Variants in GREB1 observed in about 807,000 individuals in gnomAD.
GREB1 encodes the protein growth regulating estrogen receptor binding 1.
Under a neutral mutation model 200.7 loss-of-function variants are expected in GREB1, and 106 were observed. The observed-to-expected ratio is 0.53, with a 90% CI of 0.45 to 0.62. The LOEUF (loss-of-function observed/expected upper bound fraction) is 0.62, where lower values mean the gene tolerates loss of function less well. Among genes scored for constraint, GREB1 ranks in the 20% least tolerant of loss-of-function variants. The probability of loss-of-function intolerance (pLI) is 0.00; values close to 1 mark genes in which losing one functional copy is unlikely to be tolerated. For missense variants in GREB1, 2,243 were observed against 2,556.8 expected (o/e 0.88, Z 2.65); for synonymous variants, 1,132 against 1,092.4 (o/e 1.04, Z -0.72).
Position 11,593,126 on chromosome 2 carries a change from G to A in GREB1, c.1696G>A (p.Gly566Arg). The A allele has an allele frequency of 1.9e-6, 3 of 1,591,698 alleles. No homozygotes were observed. The highest frequency in any genetic ancestry group is 2.6e-6 in the Non-Finnish European group (3 of 1,166,002). ...AAIDSCIAVTGKYQARILSES... is the reference protein window; with the variant it reads ...AAIDSCIAVTRKYQARILSES... ...CATCGACTCCTGCATCGCCGTCACCGGTGAGCTCTGGGCCGCGCGGCTGCG... is the reference window on the plus strand; with the variant it reads ...CATCGACTCCTGCATCGCCGTCACCAGTGAGCTCTGGGCCGCGCGGCTGCG... Residue 566 changes from glycine to arginine, a missense_variant and splice_region_variant, in exon 11 of 33, where the codon GGA becomes AGA. Physicochemically the swap from Gly to Arg is moderately radical, Grantham distance 125. Around this residue, in one of 3 missense-constraint regions of GREB1, gnomAD observed 1,178 missense variants for 1,387.4 expected, o/e 0.85. Transcript: ENST00000381486.
chr2:11,592,752 C>A, intron 10 of GREB1, 24 bp from the exon 11 acceptor site: 1 of 1,433,702 alleles, frequency 7.0e-7, no homozygotes, highest in East Asian at 2.7e-5. Flanking sequence ...TTGTGGCAGG[C>A]CCTCCGCCCG....
In GREB1 at chr2:11,627,288, C is replaced by T. The variant is rs182840710; in HGVS notation, c.4449+184C>T. ...AATGATTGCTGGAACTAGAGCACCA[C>T]GGTTCTCCTGGGGTTGTGTGTTTAT... is the stretch of plus-strand genomic sequence containing the variant. On this transcript the variant is annotated intron_variant, in intron 25 of 32. Transcript: ENST00000381486. 1.1e-3 allele frequency among the ~76,000 whole-genome samples: 163 copies of T among 152,300 alleles called. 1 individual carries two copies. The highest frequency in any genetic ancestry group is 3.8e-3 in the African/African-American group (159 of 41,576).
At chr2:11,513,376 G>A (rs947018045) in intron 1 of GREB1, among the ~76,000 whole-genome samples, 6 of 152,196 alleles carry the variant, frequency 3.9e-5, no homozygotes, top group African/African-American at 9.7e-5. Context: ...TCTCAGGGAA[G>A]GAAGTTCGAA....
At chr2:11,638,579 C>T (rs1349458796) in intron 31 of GREB1, 92 bp from the exon 32 acceptor site, 1 of 1,070,890 alleles carries the variant, frequency 9.3e-7, no homozygotes, top group Non-Finnish European at 1.4e-6. Flanking sequence ...CTGGACCAAG[C>T]AGTTGGTATT....
intron 7 of GREB1, among the ~76,000 whole-genome samples, chr2:11,583,563 A>T (rs1226411096): frequency 6.6e-6 from 1 of 152,164 alleles, no homozygotes; most frequent in East Asian, 1.9e-4. Context: ...CAGCGTGCTT[A>T]AAAATTACCA....
upstream of GREB1, among the ~76,000 whole-genome samples, chr2:11,530,111 G>A (rs1244435733): frequency 6.6e-6 from 1 of 151,784 alleles, no homozygotes; most frequent in Non-Finnish European, 1.5e-5. Context: ...AGGCTGGATG[G>A]AGGACAGGGG....
chr2:11,500,004 C>T (rs539598496), intron 1 of GREB1, among the ~76,000 whole-genome samples: 4 of 150,600 alleles, frequency 2.7e-5, no homozygotes, highest in Admixed American at 2.0e-4. Context: ...TTTTTTGAGG[C>T]GGAGTCTCAC....
chr2:11,552,110 C>T (rs17600933), intron 1 of GREB1, among the ~76,000 whole-genome samples: 75,375 of 152,124 alleles, frequency 0.5, 21,809 homozygotes, highest in South Asian at 0.77. Context: ...CGTGGGGTTG[C>T]GCATGCTGTT....
At chr2:11,569,835 G>A (rs1678077556) in intron 4 of GREB1, among the ~76,000 whole-genome samples, 2 of 152,158 alleles carry the variant, frequency 1.3e-5, no homozygotes, top group South Asian at 4.1e-4. Flanking sequence ...CACTGGAGAG[G>A]TGGCGAGAGT....
chr2:11,589,537 T>A (rs1680518321), intron 10 of GREB1, among the ~76,000 whole-genome samples: 1 of 152,132 alleles, frequency 6.6e-6, no homozygotes, highest in South Asian at 2.1e-4. Context: ...GGGGGCCGGC[T>A]CCGGTCAAGG....
At chr2:11,551,876 C>T (rs1675883592) in intron 1 of GREB1, among the ~76,000 whole-genome samples, 1 of 152,224 alleles carries the variant, frequency 6.6e-6, no homozygotes, top group South Asian at 2.1e-4. Context: ...TCACTGATTT[C>T]TCCCCTCTTT....
In GREB1 at chr2:11,638,007, C is replaced by G. The variant is rs1483199720; in HGVS notation, c.5547+91C>G. On this transcript the variant is annotated intron_variant, in intron 31 of 32. Coordinates refer to ENST00000381486, the MANE Select transcript of GREB1 (RefSeq NM_014668.4). ...AATCTGGGACTCTGAATCCTAAGTC[C>G]TCAACTCCTTCGTCTCGGGGTTGAC... 8.0e-6 allele frequency: 9 copies of G among 1,118,668 alleles called. No homozygotes were observed. In the East Asian group the frequency reaches 1.9e-4, roughly 24 times the overall value. 69.3% of individuals were successfully genotyped at this position (1,118,668 alleles called of 1,614,324 possible).
At position 11,620,969 on chromosome 2, in the gene GREB1, C is replaced by T; in HGVS notation, c.4109C>T (p.Thr1370Ile). The T allele has an allele frequency of 1.2e-6, 2 of 1,612,264 alleles. No homozygotes were observed. The highest frequency in any genetic ancestry group is 1.7e-4 in the Middle Eastern group (1 of 6,060). ...CTGTCCAGGATGCTTGTTCGGCTCA[C>T]AGAAGTGGATGTCTATGACGAGGAG... ...SVLSRMLVRL[T>I]EVDVYDEEEI... Residue 1370 changes from threonine (T) to isoleucine (I), a missense_variant, in exon 23 of 33, where the codon ACA becomes ATA. Thr to Ile is a moderately conservative substitution (Grantham distance 89). Coordinates refer to ENST00000381486, the MANE Select transcript of GREB1 (RefSeq NM_014668.4).
At chr2:11,501,937 A>G (rs1220880767) in intron 1 of GREB1, among the ~76,000 whole-genome samples, 1 of 23,852 alleles carries the variant, frequency 4.2e-5, no homozygotes, top group African/African-American at 1.5e-4. Context: ...TTTTTTTGAG[A>G]TGGAGTTTTG....
chr2:11,562,773 G>GC, intron 3 of GREB1, 191 bp downstream of exon 3: 1 of 514,492 alleles, frequency 1.9e-6, no homozygotes. Context: ...TCCTGAAACA[G>GC]GAGCTCCAGA....
chr2:11,488,349 G>A (rs4669732), intron 1 of GREB1, among the ~76,000 whole-genome samples: 141,200 of 152,180 alleles, frequency 0.93, 66,441 homozygotes, highest in Non-Finnish European at 1. Context: ...AAACCTCCTG[G>A]AAAGTGCGCA....
intron 18 of GREB1, among the ~76,000 whole-genome samples, 161 bp downstream of exon 18, chr2:11,611,188 G>T (rs926016108): frequency 4.0e-5 from 6 of 151,646 alleles, no homozygotes; most frequent in Non-Finnish European, 7.4e-5. Context: ...CCCCACCTCT[G>T]CCCTCCGCCC....
chr2:11,608,028 G>A (rs748609890), intron 17 of GREB1, among the ~76,000 whole-genome samples: 10 of 152,182 alleles, frequency 6.6e-5, no homozygotes, highest in South Asian at 4.2e-4. Context: ...TGAGCCTCAC[G>A]GTCTCTAGAT....
At chr2:11,594,859 A>G (rs1681063647) in intron 11 of GREB1, among the ~76,000 whole-genome samples, 1 of 151,820 alleles carries the variant, frequency 6.6e-6, no homozygotes, top group Non-Finnish European at 1.5e-5. Flanking sequence ...ACACCCGGCT[A>G]ATTTTTTTGT....
Sources: allele counts gnomAD v4.1 joint callset (sites outside exome capture counted in the v4.1 genomes callset), GRCh38; gene constraint gnomAD v4.1.1; regional missense constraint gnomAD v4.1.1; transcripts MANE v1.5; gene names NCBI Gene and HGNC (gene_info 2026-07-23, HGNC 2026-07-21).